The following KIF23 variants were observed in gnomAD, a reference collection of about 807,000 sequenced individuals.
KIF23 encodes the protein kinesin family member 23, also known as kinesin-like protein KIF23.
Under a neutral mutation model 137.5 loss-of-function variants are expected in KIF23, and 30 were observed. The observed-to-expected ratio is 0.22, with a 90% CI of 0.16 to 0.30. The LOEUF (loss-of-function observed/expected upper bound fraction) is 0.30. Ranked by LOEUF, KIF23 falls within the 10% of genes least tolerant of loss-of-function variation. The pLI, the probability that KIF23 is intolerant of heterozygous loss-of-function variation, is 1.00. For synonymous variants in KIF23, 367 were observed against 391.1 expected (o/e 0.94, Z 0.73); for missense variants, 920 against 1,194.3 (o/e 0.77, Z 3.38).
In KIF23 at chr15:69,440,362, G is replaced by A. The variant is rs1362831282; in HGVS notation, c.1984G>A (p.Asp662Asn). 6.2e-7 allele frequency: 1 copy of A among 1,613,964 alleles called. No individual in the cohort carries two copies. The highest frequency in any genetic ancestry group is 2.2e-5 in the East Asian group (1 of 44,852). ...GATGCAGAATAAACTCTGGGTTAAAGATGAAAAGCTGAAACAACTGAAGGC... is the reference window on the plus strand; with the variant it reads ...GATGCAGAATAAACTCTGGGTTAAAAATGAAAAGCTGAAACAACTGAAGGC... ...LEMQNKLWVKDEKLKQLKAIV... is the reference protein window; with the variant it reads ...LEMQNKLWVKNEKLKQLKAIV... The change falls in exon 18 of 24, where the codon GAT becomes AAT. Residue 662 changes from aspartate (D) to asparagine (N), a missense_variant. By Grantham distance (23) the Asp-to-Asn change is conservative (BLOSUM62 1). Transcript: ENST00000679126.
intron 16 of KIF23, 140 bp from the exon 17 acceptor site, chr15:69,439,764 A>G (rs2057569425): frequency 5.9e-6 from 3 of 512,262 alleles, no homozygotes; most frequent in Non-Finnish European, 9.8e-6. Flanking sequence ...AATTCAGATG[A>G]AATGTTAGAG....
Position 69,440,295 on chromosome 15 carries a change from T to TGG in KIF23, c.1930-12_1930-11insGG. ...ATGGAATGATAATATACATTGCCAC[T>TGG]GATAATCTGTAGGAGCGTAGAGTGG... On this transcript the variant is annotated splice_polypyrimidine_tract_variant and intron_variant, in intron 17 of 23. Transcript: ENST00000679126. The TGG allele has an allele frequency of 6.2e-7, 1 of 1,606,136 alleles. No individual in the cohort carries two copies. Among genetic ancestry groups the TGG allele is most frequent in the Non-Finnish European group, 8.5e-7 (1 of 1,176,872 alleles).
At chr15:69,447,679 T>C (rs2057769945) in intron 23 of KIF23, 113 bp from the exon 24 acceptor site, 2 of 941,658 alleles carry the variant, frequency 2.1e-6, no homozygotes, top group South Asian at 1.7e-5. Flanking sequence ...CAGAGGGACT[T>C]GAATTATCTC....
chr15:69,447,107 G>A (rs2057757263), intron 23 of KIF23, among the ~76,000 whole-genome samples, 166 bp downstream of exon 23: 1 of 152,222 alleles, frequency 6.6e-6, no homozygotes, highest in South Asian at 2.1e-4. Context: ...GCAGTAGGCA[G>A]CTGGAATGCT....
chr15:69,429,609 G>A (rs908631355), intron 11 of KIF23, among the ~76,000 whole-genome samples: 1 of 152,138 alleles, frequency 6.6e-6, no homozygotes, highest in African/African-American at 2.4e-5. Context: ...AACCGGCCTC[G>A]ATGGGTGGTT....
rs750472783 is a variant in KIF23, at chr15:69,421,633, TTCTC to T, written c.211-9_211-6del. On this transcript the variant is annotated splice_polypyrimidine_tract_variant and intron_variant, in intron 3 of 23. Coordinates refer to ENST00000679126, the MANE Select transcript of KIF23 (RefSeq NM_001367805.3). ...GTGGAATTCTATTTAGTGCATTTTT[TTCTC>T]TCTCCACAGACTCAGTATTCATTTA... 6.5e-7 allele frequency: 1 copy of T among 1,527,002 alleles called. No individual in the cohort carries two copies. The highest frequency in any genetic ancestry group is 1.4e-5 in the African/African-American group (1 of 73,070). 94.6% of individuals were successfully genotyped at this position (1,527,002 alleles called of 1,614,324 possible). A position where few individuals can be genotyped will look rare whatever the true frequency, so the allele number is the denominator to read the frequency against.
intron 20 of KIF23, 51 bp downstream of exon 20, chr15:69,445,092 A>G: frequency 2.0e-6 from 3 of 1,522,048 alleles, no homozygotes; most frequent in Non-Finnish European, 2.7e-6. Context: ...AAATTCAACA[A>G]AAGTCCATTT....
At chr15:69,441,437 A>AT (rs911995889) in intron 19 of KIF23, among the ~76,000 whole-genome samples, 1 of 152,140 alleles carries the variant, frequency 6.6e-6, no homozygotes, top group African/African-American at 2.4e-5. Flanking sequence ...CCCAAATTAG[A>AT]TTTTTTATAC....
At chr15:69,414,581 C>G in intron 1 of KIF23, 105 bp downstream of exon 1, 1 of 1,260,976 alleles carries the variant, frequency 7.9e-7, no homozygotes, top group Non-Finnish European at 1.0e-6. Flanking sequence ...GCGGGCAGCG[C>G]GGACAGCATC....
At chr15:69,446,243 A>G in intron 21 of KIF23, 40 bp from the exon 22 acceptor site, 3 of 1,571,338 alleles carry the variant, frequency 1.9e-6, no homozygotes, top group Non-Finnish European at 2.6e-6. Flanking sequence ...CTCTTCTTAG[A>G]TGGAAAAATA....
chr15:69,436,011 A>C (rs1249440039), intron 13 of KIF23, 127 bp from the exon 14 acceptor site: 2 of 1,296,254 alleles, frequency 1.5e-6, no homozygotes, highest in East Asian at 4.9e-5. Flanking sequence ...TGTTCATGCC[A>C]CTGCACTCCA....
chr15:69,433,649 G>T (rs1017596300), intron 11 of KIF23, among the ~76,000 whole-genome samples: 3 of 152,164 alleles, frequency 2.0e-5, no homozygotes, highest in African/African-American at 7.2e-5. Flanking sequence ...TGTAAAAATT[G>T]TCTTCCATGA....
At chr15:69,441,805 G>C (rs542090081) in intron 19 of KIF23, among the ~76,000 whole-genome samples, 1 of 150,796 alleles carries the variant, frequency 6.6e-6, no homozygotes, top group South Asian at 2.1e-4. Context: ...GTCTCACTCT[G>C]TCACCCAGGA....
chr15:69,424,926 T>C (rs539894335), intron 7 of KIF23, among the ~76,000 whole-genome samples: 3 of 152,340 alleles, frequency 2.0e-5, no homozygotes, highest in Admixed American at 1.3e-4. Context: ...AACTTTTTGT[T>C]TGGTTTGTTC....
chr15:69,416,131 T>A, intron 2 of KIF23, 68 bp downstream of exon 2: 1 of 986,930 alleles, frequency 1.0e-6, no homozygotes, highest in South Asian at 1.8e-5. Flanking sequence ...TTCTGTCTTA[T>A]GTGTATGCTT....
chr15:69,419,744 T>G (rs1462155645), intron 3 of KIF23, among the ~76,000 whole-genome samples: 1 of 152,160 alleles, frequency 6.6e-6, no homozygotes, highest in Non-Finnish European at 1.5e-5. Flanking sequence ...CATCAAATAG[T>G]AAATATGGCT....
Position 69,439,963 on chromosome 15 carries a change from G to A in KIF23, c.1815G>A (p.Gln605=), listed in dbSNP as rs746031135. The A allele has an allele frequency of 1.9e-6, 3 of 1,614,070 alleles. No individual in the cohort carries two copies. In the South Asian group the frequency reaches 3.3e-5, roughly 18 times the overall value. The change falls in exon 17 of 24, where the codon CAG becomes CAA. Residue 605 remains glutamine, a synonymous_variant. Transcript: ENST00000679126. ...IYEEDKRNLQ[Q]ELETQNQKLQ... ...AGGAAGATAAACGCAATTTGCAACA[G>A]GAACTTGAAACTCAGAACCAGAAAC...
chr15:69,446,237 T>A (rs2057737717), intron 21 of KIF23, 46 bp from the exon 22 acceptor site: 3 of 1,566,900 alleles, frequency 1.9e-6, no homozygotes, highest in Non-Finnish European at 2.6e-6. Context: ...TTTTTCCTCT[T>A]CTTAGATGGA....
chr15:69,434,737 C>T lies in KIF23; in HGVS notation c.1115-746C>T, dbSNP rs1011828906. The T allele has an allele frequency of 2.6e-5, 33 of 1,291,714 alleles. No individual in the cohort carries two copies. In the African/African-American group the frequency reaches 2.9e-4, roughly 11 times the overall value. 80.0% of individuals were successfully genotyped at this position (1,291,714 alleles called of 1,614,324 possible). A position where few individuals can be genotyped will look rare whatever the true frequency, so the allele number is the denominator to read the frequency against. On this transcript the variant is annotated intron_variant, in intron 11 of 23. Transcript: ENST00000679126. ...GGATCAGGGATCTTCTCCTTGGGCA[C>T]GAACGCGCTGACTGGGCAGGAGGCC...
Sources: allele counts gnomAD v4.1 joint callset (sites outside exome capture counted in the v4.1 genomes callset), GRCh38; gene constraint gnomAD v4.1.1; transcripts MANE v1.5; gene names NCBI Gene and HGNC (gene_info 2026-07-23, HGNC 2026-07-21).